The following ACOX2 variants were observed in gnomAD, a reference collection of about 807,000 sequenced individuals.
The protein encoded by ACOX2 is peroxisomal acyl-coenzyme A oxidase 2.
A neutral mutation model predicts 77.5 loss-of-function variants in ACOX2; 59 were observed. That is an observed-to-expected ratio of 0.76 (90% CI 0.62 to 0.95). The LOEUF (loss-of-function observed/expected upper bound fraction) is 0.95. ACOX2 is among the 40% of genes least tolerant of loss of function. The pLI is 0.00. For missense variants in ACOX2, 837 were observed against 880.4 expected, an observed-to-expected ratio of 0.95 and a Z score of 0.62; for synonymous variants, 317 against 340.1, an observed-to-expected ratio of 0.93 and a Z score of 0.75.
Position 58,512,650 on chromosome 3 carries a change from T to C in ACOX2, c.1851-3625A>G, listed in dbSNP as rs1406375292. 6.6e-6 allele frequency among the ~76,000 whole-genome samples: 1 copy of C among 152,182 alleles called. No individual in the cohort carries two copies. The highest frequency in any genetic ancestry group is 2.1e-4 in the South Asian group (1 of 4,830). On this transcript the variant is annotated intron_variant, in intron 13 of 14. Transcript: ENST00000302819. The surrounding 1 kb of genome is among the most constrained non-coding windows in gnomAD (Gnocchi z 4.8). The stretch of plus-strand genomic sequence containing the variant: ...ATTCCTGCCCCTGTGGCCTCTTCTG[T>C]GTTCTCTGGATGGATATGCCAAGCA...
rs114854994 is a variant in ACOX2, at chr3:58,512,029, G to A, written c.1851-3004C>T. On this transcript the variant is annotated intron_variant, in intron 13 of 14. Coordinates refer to ENST00000302819, the MANE Select transcript of ACOX2 (RefSeq NM_003500.4). The surrounding 1 kb of genome is among the most constrained non-coding windows in gnomAD (Gnocchi z 4.8). ...TCAAGGCTTTAAATATCAACCATACGCCAATGACTTCCAAACTTATCCCTC... is the reference window on the plus strand; with the variant it reads ...TCAAGGCTTTAAATATCAACCATACACCAATGACTTCCAAACTTATCCCTC... 5.6e-3 allele frequency among the ~76,000 whole-genome samples: 854 copies of A among 152,126 alleles called. 12 individuals are homozygous for A. The highest frequency in any genetic ancestry group is 0.019 in the African/African-American group (798 of 41,504).
chr3:58,529,157 C>T (rs1178064958), intron 8 of ACOX2: 11 of 493,198 alleles, frequency 2.2e-5, no homozygotes, highest in Non-Finnish European at 3.5e-5. Context: ...AATACTGACA[C>T]ATTTGTTGGT....
rs2063367376 is a variant in ACOX2, at chr3:58,522,703, T to C, written c.1527-102A>G. ...AGAAGTAGAAATAATGCCTGTTTAT[T>C]GACCACTTATGTGCCATAAAGCTAA... On this transcript the variant is annotated intron_variant, in intron 11 of 14. Coordinates refer to ENST00000302819, the MANE Select transcript of ACOX2 (RefSeq NM_003500.4). The surrounding 1 kb of genome is among the most constrained non-coding windows in gnomAD (Gnocchi z 4.3). 5.2e-6 allele frequency: 5 copies of C among 970,850 alleles called. No individual in the cohort carries two copies. Among genetic ancestry groups the C allele is most frequent in the Admixed American group, 1.9e-5 (1 of 52,370 alleles). The allele number at this position is 970,850 out of a possible 1,614,324, so 60.1% of individuals were successfully genotyped here. A position where few individuals can be genotyped will look rare whatever the true frequency, so the allele number is the denominator to read the frequency against.
rs757304125 is a variant in ACOX2, at chr3:58,534,627, A to G, written c.161-105T>C. ...CATGGATCTGGAAAGGAAGTCAGAC[A>G]TTATTGTTATTTTACAGATGACAAA... On this transcript the variant is annotated intron_variant, in intron 2 of 14. Transcript: ENST00000302819. The surrounding 1 kb of genome is among the most constrained non-coding windows in gnomAD (Gnocchi z 4.8). 6.3e-7 allele frequency: 1 copy of G among 1,589,234 alleles called. No individual in the cohort carries two copies. The highest frequency in any genetic ancestry group is 1.1e-5 in the South Asian group (1 of 88,646).
Position 58,534,216 on chromosome 3 carries a change from G to T in ACOX2, c.324-71C>A. 6.3e-7 allele frequency: 1 copy of T among 1,589,100 alleles called. No individual in the cohort carries two copies. The highest frequency in any genetic ancestry group is 1.1e-5 in the South Asian group (1 of 87,702). On this transcript the variant is annotated intron_variant, in intron 3 of 14. Coordinates refer to ENST00000302819, the MANE Select transcript of ACOX2 (RefSeq NM_003500.4). This position sits in a 1 kb window ranked among gnomAD's most constrained non-coding sequence, Gnocchi z 4.8. Reference sequence around the variant, plus strand: ...GGCCCAGGTACCCCCTGCCTGAGCAGAGTACAGGAGATAAAGGGCACCTAG... The same window carrying T: ...GGCCCAGGTACCCCCTGCCTGAGCATAGTACAGGAGATAAAGGGCACCTAG...
chr3:58,517,597 G>A (rs900825405), intron 12 of ACOX2, among the ~76,000 whole-genome samples, 174 bp from the exon 13 acceptor site: 1 of 141,678 alleles, frequency 7.1e-6, no homozygotes, highest in Non-Finnish European at 1.5e-5. Flanking sequence ...TTTTGATGTT[G>A]TGTATATGTG....
intron 9 of ACOX2, among the ~76,000 whole-genome samples, chr3:58,527,767 G>T (rs1368451369): frequency 6.6e-6 from 1 of 152,046 alleles, no homozygotes; most frequent in African/African-American, 2.4e-5. Context: ...ACAGCTCACT[G>T]CATCCTTGCA....
Position 58,524,669 on chromosome 3 carries a change from C to A in ACOX2, c.1347-64G>T. On this transcript the variant is annotated intron_variant, in intron 10 of 14. Coordinates refer to ENST00000302819, the MANE Select transcript of ACOX2 (RefSeq NM_003500.4). The surrounding 1 kb of genome is among the most constrained non-coding windows in gnomAD (Gnocchi z 5.5). ...CTCTGTGAGACAGCCCAGCACCCCT[C>A]ACTCCCAGAGACAGGCAAGCTCATG... 1 of 1,525,152 alleles carries A rather than the reference C, an allele frequency of 6.6e-7. No individual in the cohort carries two copies. Among genetic ancestry groups the A allele is most frequent in the South Asian group, 1.2e-5 (1 of 84,664 alleles). 94.5% of individuals were successfully genotyped at this position (1,525,152 alleles called of 1,614,324 possible).
rs749769851 is a variant in ACOX2, at chr3:58,530,569, G to C, written c.889C>G (p.Arg297Gly). 2 of 1,614,218 alleles carry C rather than the reference G, an allele frequency of 1.2e-6. No individual in the cohort carries two copies. The highest frequency in any genetic ancestry group is 1.3e-5 in the African/African-American group (1 of 75,066). Residue 297 changes from arginine to glycine, a missense_variant, in exon 8 of 15, where the codon CGG becomes GGG. Arg to Gly is a moderately radical substitution (Grantham distance 125). Coordinates refer to ENST00000302819, the MANE Select transcript of ACOX2 (RefSeq NM_003500.4). ...QSNYLPMVVV[R>G]VELLSGEILP... is the part of the protein sequence containing the mutation. ...ATCTCCCCTGACAGCAGCTCCACCC[G>C]CACCACCACCATGGGAAGGTAGTTG... is the stretch of plus-strand genomic sequence containing the variant.
In ACOX2 at chr3:58,522,820, A is replaced by C; in HGVS notation, c.1527-219T>G. On this transcript the variant is annotated intron_variant, in intron 11 of 14. Coordinates refer to ENST00000302819, the MANE Select transcript of ACOX2 (RefSeq NM_003500.4). The surrounding 1 kb of genome is among the most constrained non-coding windows in gnomAD (Gnocchi z 4.3). ...AACTGAGTCCCAGAGAGGTTAACCA[A>C]TTTGTCCAGGGTCACACAGCTAGTA... 2.0e-6 allele frequency: 1 copy of C among 503,430 alleles called. No homozygotes were observed. Among genetic ancestry groups the C allele is most frequent in the Non-Finnish European group, 3.6e-6 (1 of 277,290 alleles). 31.2% of individuals were successfully genotyped at this position (503,430 alleles called of 1,614,324 possible).
chr3:58,530,679 T>G, intron 7 of ACOX2, 41 bp from the exon 8 acceptor site: 1 of 1,589,546 alleles, frequency 6.3e-7, no homozygotes, highest in Non-Finnish European at 8.6e-7. Context: ...GGGCCAAGGC[T>G]TCCCAGGATG....
At position 58,524,219 on chromosome 3, in the gene ACOX2, T is replaced by C. The variant is rs1311658517; in HGVS notation, c.1526+207A>G. Among the ~76,000 whole-genome samples, 1 of 152,094 alleles carries C rather than the reference T, an allele frequency of 6.6e-6. No homozygotes were observed. The highest frequency in any genetic ancestry group is 1.5e-5 in the Non-Finnish European group (1 of 68,016). On this transcript the variant is annotated intron_variant, in intron 11 of 14. Coordinates refer to ENST00000302819, the MANE Select transcript of ACOX2 (RefSeq NM_003500.4). The surrounding 1 kb of genome is among the most constrained non-coding windows in gnomAD (Gnocchi z 5.5). ...TGTCCTTCTACTACTGTGACCAGGA[T>C]GGGGAAGTGACGGGGGTCCATGGCT...
chr3:58,532,926 C>T (rs2063451745), intron 5 of ACOX2, among the ~76,000 whole-genome samples: 1 of 152,172 alleles, frequency 6.6e-6, no homozygotes. Flanking sequence ...CTTGATGTGG[C>T]CGCCACCTGG....
In ACOX2 at chr3:58,522,621, AG is replaced by A. The variant is rs747873778; in HGVS notation, c.1527-21del. ...ATGAGCCTGAAAGCCAAAGCAAAAA[AG>A]GTTCAGCTTCCTGACTGAGTGGAAA... is the stretch of plus-strand genomic sequence containing the variant. On this transcript the variant is annotated intron_variant, in intron 11 of 14. Coordinates refer to ENST00000302819, the MANE Select transcript of ACOX2 (RefSeq NM_003500.4). The surrounding 1 kb of genome is among the most constrained non-coding windows in gnomAD (Gnocchi z 4.3). 7.4e-6 allele frequency: 12 copies of A among 1,611,474 alleles called. No individual in the cohort carries two copies. Among genetic ancestry groups the A allele is most frequent in the African/African-American group, 4.0e-5 (3 of 74,980 alleles).
rs555080800 is a variant in ACOX2 at position 58,505,876 on chromosome 3, C to G, written c.1984-590G>C. Among the ~76,000 whole-genome samples, 1 of 152,182 alleles carries G rather than the reference C, an allele frequency of 6.6e-6. No individual in the cohort carries two copies. The highest frequency in any genetic ancestry group is 1.9e-4 in the East Asian group (1 of 5,174). On this transcript the variant is annotated intron_variant, in intron 14 of 14. Transcript: ENST00000302819. This position sits in a 1 kb window ranked among gnomAD's most constrained non-coding sequence, Gnocchi z 4.4. ...TGCGATTTTGGCTCACTGCAACTTC[C>G]GCCTCCTGGGTTCAAGCGATTCTTG...
In ACOX2 at chr3:58,515,819, C is replaced by T. The variant is rs1576990021; in HGVS notation, c.1850+1387G>A. ...TTGAGACAAGGTCTCACTTTGTTGC[C>T]CAGGCTGGAGTGCAGTGGTGTGATC... On this transcript the variant is annotated intron_variant, in intron 13 of 14. Coordinates refer to ENST00000302819, the MANE Select transcript of ACOX2 (RefSeq NM_003500.4). This position sits in a 1 kb window ranked among gnomAD's most constrained non-coding sequence, Gnocchi z 4.0. 6.6e-6 allele frequency among the ~76,000 whole-genome samples: 1 copy of T among 151,928 alleles called. No individual in the cohort carries two copies. Among genetic ancestry groups the T allele is most frequent in the South Asian group, 2.1e-4 (1 of 4,814 alleles).
chr3:58,534,718 G>C lies in ACOX2; in HGVS notation c.161-196C>G, dbSNP rs2063468228. On this transcript the variant is annotated intron_variant, in intron 2 of 14. Coordinates refer to ENST00000302819, the MANE Select transcript of ACOX2 (RefSeq NM_003500.4). The surrounding 1 kb of genome is among the most constrained non-coding windows in gnomAD (Gnocchi z 4.8). Reference sequence around the variant, plus strand: ...AAAGCTATGCAGTGGCAGAATTTTAGGACCAGAATCCAGGTCTTCTGCTGC... The same window carrying C: ...AAAGCTATGCAGTGGCAGAATTTTACGACCAGAATCCAGGTCTTCTGCTGC... The C allele has an allele frequency of 7.1e-7, 1 of 1,405,644 alleles. No individual in the cohort carries two copies. The highest frequency in any genetic ancestry group is 9.8e-7 in the Non-Finnish European group (1 of 1,024,830). 87.1% of individuals were successfully genotyped at this position (1,405,644 alleles called of 1,614,324 possible).
chr3:58,529,957 A>G (rs910732455), intron 8 of ACOX2, among the ~76,000 whole-genome samples: 1 of 152,214 alleles, frequency 6.6e-6, no homozygotes, highest in Non-Finnish European at 1.5e-5. Context: ...AGGGATCCAG[A>G]CTAGACATAC....
intron 12 of ACOX2, among the ~76,000 whole-genome samples, chr3:58,518,287 G>A (rs2063336508): frequency 6.6e-6 from 1 of 152,122 alleles, no homozygotes; most frequent in Non-Finnish European, 1.5e-5. Context: ...TGGTCTGGCT[G>A]TGGCAGTTGT....
Sources: gnomAD v4.1 joint callset for allele counts (sites outside exome capture counted in the v4.1 genomes callset) on GRCh38, gnomAD v4.1.1 for gene constraint, Gnocchi (gnomAD v3.1) non-coding constraint, MANE v1.5 for transcripts, NCBI Gene and HGNC (gene_info 2026-07-23, HGNC 2026-07-21) for gene names.